Variants in TRPM8 observed in about 807,000 individuals in gnomAD.
TRPM8 encodes the protein TRPM8 cationic channel.
Under a neutral mutation model 133.7 loss-of-function variants are expected in TRPM8, and 110 were observed. The observed-to-expected ratio is 0.82, with a 90% confidence interval of 0.70 to 0.96. TRPM8 has a LOEUF of 0.96. TRPM8 is among the 40% of genes least tolerant of loss of function. TRPM8 has a pLI of 0.00. For missense variants in TRPM8, 1,291 were observed against 1,379.5 expected, an observed-to-expected ratio of 0.94 and a Z score of 1.02; for synonymous variants, 535 against 532.3, an observed-to-expected ratio of 1.01 and a Z score of -0.07.
chr2:233,966,406 G>A (rs1691576783), intron 14 of TRPM8, among the ~76,000 whole-genome samples: 2 of 152,210 alleles, frequency 1.3e-5, no homozygotes, highest in South Asian at 4.1e-4. Flanking sequence ...GCCATCAGGA[G>A]CTCTGCTGGG....
At chr2:233,970,758 CAT>C (rs1231095075) in intron 17 of TRPM8, among the ~76,000 whole-genome samples, 2 of 152,156 alleles carry the variant, frequency 1.3e-5, no homozygotes, top group African/African-American at 4.8e-5. Context: ...GTGTTCCTGC[CAT>C]TACCGTGGCA....
chr2:233,929,457 C>G (rs1691639710), intron 2 of TRPM8, among the ~76,000 whole-genome samples: 1 of 152,284 alleles, frequency 6.6e-6, no homozygotes, highest in Non-Finnish European at 1.5e-5. Context: ...CTGGTGGTAG[C>G]CTTGCTGCAG....
At chr2:233,967,128 G>T (rs533057609) in intron 15 of TRPM8, among the ~76,000 whole-genome samples, 3 of 152,196 alleles carry the variant, frequency 2.0e-5, no homozygotes. Flanking sequence ...TACAAAATGG[G>T]GATAGCAGCA....
intron 17 of TRPM8, among the ~76,000 whole-genome samples, chr2:233,972,529 G>T (rs112938611): frequency 6.0e-4 from 92 of 152,362 alleles, no homozygotes; most frequent in African/African-American, 2.0e-3. Flanking sequence ...GGTGGCGCTC[G>T]TGGAGGAGGC....
chr2:233,965,658 C>T (rs1367745813), intron 14 of TRPM8, among the ~76,000 whole-genome samples: 1 of 151,930 alleles, frequency 6.6e-6, no homozygotes, highest in East Asian at 1.9e-4. Context: ...TTAGCTTGTC[C>T]ATGTTGGAAA....
intron 22 of TRPM8, among the ~76,000 whole-genome samples, chr2:234,000,419 T>A (rs550789887): frequency 6.6e-6 from 1 of 152,264 alleles, no homozygotes; most frequent in Non-Finnish European, 1.5e-5. Context: ...CCTGTGTGGA[T>A]GTTTTAAAAA....
intron 1 of TRPM8, 103 bp from the exon 2 acceptor site, chr2:233,926,430 C>A: frequency 1.2e-6 from 1 of 841,046 alleles, no homozygotes; most frequent in Non-Finnish European, 2.0e-6. Context: ...TTGCACGTGG[C>A]AAAGGGGAGA....
At chr2:233,947,676 C>G in intron 8 of TRPM8, 1 of 1,159,110 alleles carries the variant, frequency 8.6e-7, no homozygotes, top group Non-Finnish European at 1.1e-6. Context: ...AGCAACTGAG[C>G]AAGAATTTGA....
At chr2:234,008,401 G>C (rs1692750004) in intron 24 of TRPM8, among the ~76,000 whole-genome samples, 1 of 152,122 alleles carries the variant, frequency 6.6e-6, no homozygotes, top group East Asian at 1.9e-4. Flanking sequence ...ACAATTATAG[G>C]GAACATAAGG....
rs929755481 is a variant in TRPM8 at position 233,946,054 on chromosome 2, C to T, written c.874+24C>T. 3.7e-6 allele frequency: 6 copies of T among 1,605,152 alleles called. No individual in the cohort carries two copies. The African/African-American group carries it at 4.0e-5, about 11-fold the overall frequency. ...AGGTCAGTGGTTAGGAGGTAGGACA[C>T]TAGAAGTGTACAATAACCACAGCAG... On this transcript the variant is annotated intron_variant, in intron 7 of 25. Coordinates refer to ENST00000324695, the MANE Select transcript of TRPM8 (RefSeq NM_024080.5).
chr2:233,934,245 C>A (rs547096383), intron 3 of TRPM8, among the ~76,000 whole-genome samples: 1 of 152,172 alleles, frequency 6.6e-6, no homozygotes, highest in African/African-American at 2.4e-5. Context: ...CCCGTTCCTG[C>A]CTCCACCTCT....
intron 21 of TRPM8, among the ~76,000 whole-genome samples, chr2:233,987,931 A>G (rs1692187764): frequency 1.3e-5 from 2 of 150,430 alleles, no homozygotes; most frequent in South Asian, 2.1e-4. Flanking sequence ...CATGATTGTG[A>G]GGCCTCCCCA....
In TRPM8 at chr2:233,962,550, C is replaced by G. The variant is rs573135016; in HGVS notation, c.1654-732C>G. On this transcript the variant is annotated intron_variant, in intron 12 of 25. Coordinates refer to ENST00000324695, the MANE Select transcript of TRPM8 (RefSeq NM_024080.5). The stretch of plus-strand genomic sequence containing the variant: ...GGGGAAACCCAAACTAGGTCATTAT[C>G]CTTTGTAATTATGGAATTTTTAGAG... 6.6e-5 allele frequency among the ~76,000 whole-genome samples: 10 copies of G among 152,208 alleles called. No homozygotes were observed. In the East Asian group the frequency reaches 1.7e-3, roughly 26 times the overall value.
chr2:233,946,112 T>C (rs1294022285), intron 7 of TRPM8, 82 bp downstream of exon 7: 27 of 1,336,516 alleles, frequency 2.0e-5, no homozygotes, highest in Non-Finnish European at 2.7e-5. Context: ...TACCAACTAT[T>C]GAGTGATGCG....
intron 22 of TRPM8, 71 bp from the exon 23 acceptor site, chr2:234,006,782 A>G: frequency 1.7e-6 from 2 of 1,167,828 alleles, no homozygotes; most frequent in East Asian, 2.6e-5. Flanking sequence ...AAAATGCCTT[A>G]GAAGATCTTA....
Position 233,947,487 on chromosome 2 carries a change from A to G in TRPM8, c.942+332A>G, listed in dbSNP as rs1323710270. 3.8e-6 allele frequency: 5 copies of G among 1,330,654 alleles called. No individual in the cohort carries two copies. In the South Asian group the frequency reaches 4.9e-5, roughly 13 times the overall value. 82.4% of individuals were successfully genotyped at this position (1,330,654 alleles called of 1,614,324 possible). Reference sequence around the variant, plus strand: ...AGAAAGCTATGGCCAACCTATCTGCATTGAGATGAGCTGTGATCATACACA... The same window carrying G: ...AGAAAGCTATGGCCAACCTATCTGCGTTGAGATGAGCTGTGATCATACACA... On this transcript the variant is annotated intron_variant, in intron 8 of 25. Coordinates refer to ENST00000324695, the MANE Select transcript of TRPM8 (RefSeq NM_024080.5).
At chr2:233,978,198 A>AGT (rs59259744) in intron 17 of TRPM8, among the ~76,000 whole-genome samples, 34,597 of 145,836 alleles carry the variant, frequency 0.24, 4,240 homozygotes, top group Admixed American at 0.28. Context: ...GGAATATTAT[A>AGT]GTGTGTGTGT....
Position 233,961,073 on chromosome 2 carries a change from A to T in TRPM8, c.1653+7A>T. ...GATGGACATAGAACTCCACGTAGGTACTGGGAGAGTTGCCTGCTTGAGTTC... is the reference window on the plus strand; with the variant it reads ...GATGGACATAGAACTCCACGTAGGTTCTGGGAGAGTTGCCTGCTTGAGTTC... On this transcript the variant is annotated splice_region_variant and intron_variant, in intron 12 of 25. Transcript: ENST00000324695. 6.2e-7 allele frequency: 1 copy of T among 1,609,536 alleles called. No homozygotes were observed.
intron 12 of TRPM8, among the ~76,000 whole-genome samples, chr2:233,962,584 T>C (rs928940680): frequency 4.6e-5 from 7 of 152,200 alleles, no homozygotes; most frequent in African/African-American, 1.7e-4. Context: ...AGTGCGTGTA[T>C]GTGTGTTGCA....
Sources: allele counts gnomAD v4.1 joint callset (sites outside exome capture counted in the v4.1 genomes callset), GRCh38; gene constraint gnomAD v4.1.1; transcripts MANE v1.5; gene names NCBI Gene and HGNC (gene_info 2026-07-23, HGNC 2026-07-21).